CYB5B: variants seen among roughly 807,000 people sequenced by gnomAD.
CYB5B encodes the protein cytochrome b5 type B.
In CYB5B, 14 loss-of-function variants were observed where a neutral mutation model predicts 21.3. The ratio of observed to expected loss-of-function variants is 0.66; its 90% CI spans 0.43 to 1.03. The LOEUF (loss-of-function observed/expected upper bound fraction) is 1.03, where lower values mean the gene tolerates loss of function less well. Among genes scored for constraint, CYB5B ranks in the 50% least tolerant of loss-of-function variants. The probability of loss-of-function intolerance (pLI) is 0.00; values close to 1 mark genes in which losing one functional copy is unlikely to be tolerated. For missense variants in CYB5B, 166 were observed against 185.1 expected (o/e 0.90, Z 0.60); for synonymous variants, 69 against 68.4 (o/e 1.01, Z -0.04).
chr16:69,429,841 A>T (rs1328237110), intron 1 of CYB5B, among the ~76,000 whole-genome samples: 2 of 152,196 alleles, frequency 1.3e-5, no homozygotes, highest in Non-Finnish European at 2.9e-5. Context: ...TTCCAATCTG[A>T]TGTCACTTTG....
intron 3 of CYB5B, among the ~76,000 whole-genome samples, chr16:69,451,222 C>T (rs780030494): frequency 1.3e-5 from 2 of 152,170 alleles, no homozygotes; most frequent in Non-Finnish European, 2.9e-5. Context: ...CAATCTCCTA[C>T]TTATATTTGA....
intron 1 of CYB5B, among the ~76,000 whole-genome samples, chr16:69,440,660 A>G (rs1006959356): frequency 1.3e-5 from 2 of 150,454 alleles, no homozygotes; most frequent in Non-Finnish European, 3.0e-5. Flanking sequence ...ATTATATCTC[A>G]TTTTGTACAT....
At chr16:69,448,868 G>C (rs1430274967) in intron 3 of CYB5B, 1 of 152,090 alleles carries the variant, frequency 6.6e-6, no homozygotes, top group Admixed American at 6.5e-5. Flanking sequence ...TAGAACATAG[G>C]AAAGTGATGC....
intron 1 of CYB5B, among the ~76,000 whole-genome samples, chr16:69,446,489 G>A (rs1026555873): frequency 6.6e-6 from 1 of 152,024 alleles, no homozygotes; most frequent in Non-Finnish European, 1.5e-5. Context: ...ACCATGCCTG[G>A]CACTTTTTGT....
At chr16:69,429,110 AGT>A (rs1428791029) in intron 1 of CYB5B, among the ~76,000 whole-genome samples, 2 of 152,300 alleles carry the variant, frequency 1.3e-5, no homozygotes, top group East Asian at 1.9e-4. Flanking sequence ...CTGAAGGAAG[AGT>A]GTGTCTGGAG....
chr16:69,464,544 T>C lies in CYB5B; in HGVS notation c.*2024T>C, dbSNP rs1056754975. 6.6e-6 allele frequency: 1 copy of C among 152,190 alleles called. No individual in the cohort carries two copies. The highest frequency in any genetic ancestry group is 1.5e-5 in the Non-Finnish European group (1 of 68,034). 9.4% of individuals were successfully genotyped at this position (152,190 alleles called of 1,614,324 possible). Reference sequence around the variant, plus strand: ...AAAGAACAGAGGAGTATTGAGGAGCTTGAAAGGGAACATTCAAACTAAAGC... The same window carrying C: ...AAAGAACAGAGGAGTATTGAGGAGCCTGAAAGGGAACATTCAAACTAAAGC... On this transcript the variant is annotated 3_prime_UTR_variant, in exon 5 of 5. Coordinates refer to ENST00000307892, the MANE Select transcript of CYB5B (RefSeq NM_030579.3).
intron 1 of CYB5B, among the ~76,000 whole-genome samples, chr16:69,425,281 T>A (rs1351239360): frequency 6.6e-6 from 1 of 152,128 alleles, no homozygotes; most frequent in East Asian, 1.9e-4. Context: ...TAATACCGGT[T>A]TTGGTTTTCG....
chr16:69,440,203 C>G (rs1201286554), intron 1 of CYB5B, among the ~76,000 whole-genome samples: 17 of 152,260 alleles, frequency 1.1e-4, no homozygotes, highest in African/African-American at 3.6e-4. Flanking sequence ...GTGTACAATT[C>G]AATTGTTTTA....
intron 3 of CYB5B, among the ~76,000 whole-genome samples, chr16:69,452,336 G>T (rs562549612): frequency 3.6e-4 from 50 of 137,876 alleles, no homozygotes; most frequent in Non-Finnish European, 6.5e-4. Flanking sequence ...AAAAAAAAAG[G>T]TAAAAAGCCT....
chr16:69,448,224 C>A, intron 3 of CYB5B, 80 bp downstream of exon 3: 6 of 1,492,514 alleles, frequency 4.0e-6, no homozygotes, highest in Non-Finnish European at 5.5e-6. Flanking sequence ...TTTTTCTTAA[C>A]AAGAGAAGTT....
chr16:69,454,925 ACT>A (rs2014968647), intron 3 of CYB5B, among the ~76,000 whole-genome samples: 1 of 151,920 alleles, frequency 6.6e-6, no homozygotes, highest in Non-Finnish European at 1.5e-5. Context: ...ACAGAGTGTC[ACT>A]CTGTTGCCCA....
At chr16:69,459,193 G>C (rs2015010118) in intron 4 of CYB5B, 72 bp downstream of exon 4, 2 of 1,533,392 alleles carry the variant, frequency 1.3e-6, no homozygotes, top group Admixed American at 2.2e-5. Flanking sequence ...ATAAGTATAT[G>C]TATGTAACAT....
rs534618389 is a variant in CYB5B, at chr16:69,462,534, A to G, written c.*14A>G. ...AAATCCTCCTGAGGAGGCCTTGCTG[A>G]AGTTAGAAAGTGCATCCACTTTGGG... On this transcript the variant is annotated 3_prime_UTR_variant, in exon 5 of 5. Coordinates refer to ENST00000307892, the MANE Select transcript of CYB5B (RefSeq NM_030579.3). The G allele has an allele frequency of 3.1e-6, 5 of 1,608,480 alleles. No individual in the cohort carries two copies. The highest frequency in any genetic ancestry group is 4.3e-6 in the Non-Finnish European group (5 of 1,175,152).
chr16:69,448,028 C>A, intron 2 of CYB5B, 87 bp from the exon 3 acceptor site: 1 of 1,392,138 alleles, frequency 7.2e-7, no homozygotes, highest in Non-Finnish European at 1.0e-6. Flanking sequence ...AGAATATAGT[C>A]TCATGTTCCA....
intron 3 of CYB5B, among the ~76,000 whole-genome samples, chr16:69,458,003 G>T (rs2014998500): frequency 6.6e-6 from 1 of 152,068 alleles, no homozygotes; most frequent in East Asian, 1.9e-4. Flanking sequence ...ATGGTATTTT[G>T]GGCAGCAGCA....
chr16:69,434,420 T>C (rs1253799997), intron 1 of CYB5B, among the ~76,000 whole-genome samples: 1 of 152,238 alleles, frequency 6.6e-6, no homozygotes, highest in African/African-American at 2.4e-5. Context: ...TACTAGGTTA[T>C]ATGTCTGTTT....
intron 1 of CYB5B, among the ~76,000 whole-genome samples, chr16:69,434,355 A>G (rs936502459): frequency 2.6e-5 from 4 of 152,210 alleles, no homozygotes; most frequent in Admixed American, 6.5e-5. Context: ...GTGTGGACAT[A>G]TGATTTTATT....
chr16:69,458,752 A>C (rs2015004831), intron 3 of CYB5B, among the ~76,000 whole-genome samples: 1 of 152,204 alleles, frequency 6.6e-6, no homozygotes, highest in South Asian at 2.1e-4. Flanking sequence ...TGGCAAGCCC[A>C]GCTGAACCAG....
chr16:69,460,304 G>C (rs1172980891), intron 4 of CYB5B, among the ~76,000 whole-genome samples: 2 of 151,550 alleles, frequency 1.3e-5, no homozygotes, highest in African/African-American at 4.8e-5. Flanking sequence ...AACTGATAAA[G>C]AATTATTAGG....
Sources: gnomAD v4.1 joint callset for allele counts (sites outside exome capture counted in the v4.1 genomes callset) on GRCh38, gnomAD v4.1.1 for gene constraint, MANE v1.5 for transcripts, NCBI Gene and HGNC (gene_info 2026-07-23, HGNC 2026-07-21) for gene names.